CSMD2: variants seen among roughly 807,000 people sequenced by gnomAD.
The protein encoded by CSMD2 is CUB and Sushi multiple domains 2, also known as CUB and sushi domain-containing protein 2.
In CSMD2, 130 loss-of-function variants were observed where a neutral mutation model predicts 398.5. The observed-to-expected ratio is 0.33, with a 90% CI of 0.28 to 0.38. The LOEUF (loss-of-function observed/expected upper bound fraction) is 0.38, where lower values mean the gene tolerates loss of function less well. Among genes scored for constraint, CSMD2 ranks in the 10% least tolerant of loss-of-function variants. CSMD2 has a pLI of 1.00. For synonymous variants in CSMD2, 1,828 were observed against 1,908.5 expected, an observed-to-expected ratio of 0.96 and a Z score of 1.10; for missense variants, 3,829 against 4,764.9, an observed-to-expected ratio of 0.80 and a Z score of 5.78.
intron 25 of CSMD2, among the ~76,000 whole-genome samples, chr1:33,691,907 C>T (rs1478241404): frequency 1.3e-5 from 2 of 152,160 alleles, no homozygotes; most frequent in East Asian, 3.9e-4. Flanking sequence ...TCCGCTCATA[C>T]TGCTACCCCA....
At chr1:33,862,716 C>T (rs1357650465) in intron 5 of CSMD2, 2 of 152,260 alleles carry the variant, frequency 1.3e-5, no homozygotes, top group African/African-American at 4.8e-5. Context: ...GGAGGGGCTT[C>T]CCTGGCCAGT....
At chr1:33,960,777 G>C (rs893515324) in intron 3 of CSMD2, among the ~76,000 whole-genome samples, 1 of 152,238 alleles carries the variant, frequency 6.6e-6, no homozygotes, top group African/African-American at 2.4e-5. Context: ...TTCAGTCTCA[G>C]TACTTAGCAG....
intron 3 of CSMD2, among the ~76,000 whole-genome samples, chr1:34,009,905 T>G (rs1022797437): frequency 3.9e-5 from 6 of 152,174 alleles, no homozygotes; most frequent in Admixed American, 3.3e-4. Flanking sequence ...ATCTCTTATC[T>G]GGACCAAGGC....
intron 13 of CSMD2, among the ~76,000 whole-genome samples, chr1:33,764,703 C>T (rs192759860): frequency 6.6e-6 from 1 of 152,380 alleles, no homozygotes; most frequent in African/African-American, 2.4e-5. Context: ...TATTATCCCT[C>T]ATGCTGAGGC....
chr1:34,034,964 C>T (rs1472666888), intron 2 of CSMD2, among the ~76,000 whole-genome samples: 1 of 152,086 alleles, frequency 6.6e-6, no homozygotes, highest in Admixed American at 6.5e-5. Context: ...TAATGATCCA[C>T]CTAATTAATA....
rs1460073255 is a variant in CSMD2 at position 33,554,635 on chromosome 1, CA to C, written c.8743+3098del. Among the ~76,000 whole-genome samples the C allele has an allele frequency of 1.1e-4, 16 of 152,268 alleles. No individual in the cohort carries two copies. The East Asian group carries it at 3.1e-3, about 29-fold the overall frequency. On this transcript the variant is annotated intron_variant, in intron 55 of 70. Coordinates refer to ENST00000373381, the MANE Select transcript of CSMD2 (RefSeq NM_001281956.2). ...AACTGGGAGCCAATGCTCATTTACC[CA>C]TTCTGAAAATCCTAGGGCCCTTAAG...
chr1:33,579,967 C>A (rs1458773617), intron 48 of CSMD2, among the ~76,000 whole-genome samples: 1 of 152,150 alleles, frequency 6.6e-6, no homozygotes, highest in Non-Finnish European at 1.5e-5. Context: ...GCGTGAGCCA[C>A]TGCACCTAGC....
At chr1:33,677,587 A>G (rs899368868) in intron 25 of CSMD2, among the ~76,000 whole-genome samples, 1 of 152,192 alleles carries the variant, frequency 6.6e-6, no homozygotes, top group African/African-American at 2.4e-5. Flanking sequence ...ATACCATTTG[A>G]TTCAGCCATT....
At position 34,130,329 on chromosome 1, in the gene CSMD2, T is replaced by C. The variant is rs138710327; in HGVS notation, c.187+34582A>G. The stretch of plus-strand genomic sequence containing the variant: ...ATCTGCAGGGTAAGAGCGAACTGTT[T>C]GAAGATGGGAGAGAGAGCATTCCAG... On this transcript the variant is annotated intron_variant, in intron 1 of 70. Coordinates refer to ENST00000373381, the MANE Select transcript of CSMD2 (RefSeq NM_001281956.2). Among the ~76,000 whole-genome samples the C allele has an allele frequency of 1.9e-3, 265 of 137,208 alleles. 1 individual carries two copies. Among genetic ancestry groups the C allele is most frequent in the African/African-American group, 6.8e-3 (249 of 36,402 alleles). 90.0% of individuals were successfully genotyped at this position (137,208 alleles called of 152,430 possible).
chr1:33,517,029 G>A (rs1387624349), intron 70 of CSMD2, among the ~76,000 whole-genome samples: 1 of 151,990 alleles, frequency 6.6e-6, no homozygotes, highest in Non-Finnish European at 1.5e-5. Flanking sequence ...AATGGAGGAA[G>A]GGTTGGCAAA....
chr1:33,758,704 G>C (rs1211335457), intron 13 of CSMD2, among the ~76,000 whole-genome samples: 1 of 152,162 alleles, frequency 6.6e-6, no homozygotes, highest in Non-Finnish European at 1.5e-5. Flanking sequence ...TCTTGAGGTG[G>C]TGCTCTCTTC....
intron 3 of CSMD2, among the ~76,000 whole-genome samples, chr1:33,948,258 G>A (rs1015063406): frequency 6.6e-6 from 1 of 152,198 alleles, no homozygotes; most frequent in African/African-American, 2.4e-5. Flanking sequence ...GAAGCCATCT[G>A]TTCAGGTCCT....
chr1:33,559,157 C>T lies in CSMD2; in HGVS notation c.8554+143G>A, dbSNP rs1658319626. On this transcript the variant is annotated intron_variant, in intron 54 of 70. Transcript: ENST00000373381. The surrounding 1 kb of genome is among the most constrained non-coding windows in gnomAD (Gnocchi z 4.0). Reference sequence around the variant, plus strand: ...TTTATCTAAGGGTTGAGAAAGTCCTCATTTATGACCCTTCTCTGCTCCATC... The same window carrying T: ...TTTATCTAAGGGTTGAGAAAGTCCTTATTTATGACCCTTCTCTGCTCCATC... The T allele has an allele frequency of 1.4e-6, 1 of 711,310 alleles. No homozygotes were observed. Among genetic ancestry groups the T allele is most frequent in the Non-Finnish European group, 2.2e-6 (1 of 456,052 alleles). 44.1% of individuals were successfully genotyped at this position (711,310 alleles called of 1,614,324 possible). A position where few individuals can be genotyped will look rare whatever the true frequency, so the allele number is the denominator to read the frequency against.
chr1:33,803,326 C>T (rs1022153489), intron 10 of CSMD2, among the ~76,000 whole-genome samples: 2 of 152,230 alleles, frequency 1.3e-5, no homozygotes, highest in African/African-American at 4.8e-5. Flanking sequence ...GCTGAGATAA[C>T]ACCCAAACCT....
intron 28 of CSMD2, among the ~76,000 whole-genome samples, chr1:33,647,917 T>C (rs1364621544): frequency 6.6e-6 from 1 of 152,218 alleles, no homozygotes; most frequent in Non-Finnish European, 1.5e-5. Flanking sequence ...CCTAATTGAA[T>C]AGGACCAATG....
chr1:33,605,735 T>C, intron 41 of CSMD2: 1 of 816,266 alleles, frequency 1.2e-6, no homozygotes, highest in South Asian at 1.6e-5. Context: ...AAATAGTATC[T>C]ATTATTAGTA....
chr1:34,080,397 T>G (rs1320978649), intron 2 of CSMD2, among the ~76,000 whole-genome samples: 1 of 152,170 alleles, frequency 6.6e-6, no homozygotes, highest in East Asian at 1.9e-4. Context: ...ATGATATTAA[T>G]AACATAATTT....
chr1:33,625,176 G>C lies in CSMD2; in HGVS notation c.5375C>G (p.Ser1792Trp). The part of the protein sequence containing the change: ...RYGKRLGSDF[S>W]VGAIVRFECN... ...TTCGAAGCGGACGATGGCCCCCACC[G>C]AGAAGTCACTGCCCAGCCTCTTGCC... The change falls in exon 34 of 71, where the codon TCG (serine) becomes TGG (tryptophan). Residue 1792 changes from serine (S) to tryptophan (W), a missense_variant. Physicochemically the swap from Ser to Trp is radical, Grantham distance 177. This residue lies in a region of CSMD2 where 2,001 missense variants were observed against 2,567.1 expected (regional missense o/e 0.78). Coordinates refer to ENST00000373381, the MANE Select transcript of CSMD2 (RefSeq NM_001281956.2). 1 of 1,614,036 alleles carries C rather than the reference G, an allele frequency of 6.2e-7. No individual in the cohort carries two copies. The highest frequency in any genetic ancestry group is 8.5e-7 in the Non-Finnish European group (1 of 1,179,994).
intron 60 of CSMD2, among the ~76,000 whole-genome samples, chr1:33,538,258 G>A (rs755013820): frequency 4.6e-5 from 7 of 151,920 alleles, no homozygotes; most frequent in Non-Finnish European, 1.0e-4. Flanking sequence ...TTTTTAAAGG[G>A]CTGAACACAT....
Sources: allele counts gnomAD v4.1 joint callset (sites outside exome capture counted in the v4.1 genomes callset), GRCh38; gene constraint gnomAD v4.1.1; regional missense constraint gnomAD v4.1.1; non-coding constraint Gnocchi (gnomAD v3.1); transcripts MANE v1.5; gene names NCBI Gene and HGNC (gene_info 2026-07-23, HGNC 2026-07-21).